The following RBFOX1 variants were observed in gnomAD, a reference collection of about 807,000 sequenced individuals.
The protein encoded by RBFOX1 is RNA binding fox-1 homolog 1.
A neutral mutation model predicts 57.7 loss-of-function variants in RBFOX1; 8 were observed. That is an observed-to-expected ratio of 0.14 (90% CI 0.08 to 0.25). The LOEUF (loss-of-function observed/expected upper bound fraction) is 0.25, where lower values mean the gene tolerates loss of function less well. Ranked by LOEUF, RBFOX1 falls within the 10% of genes least tolerant of loss-of-function variation. The pLI, the probability that RBFOX1 is intolerant of heterozygous loss-of-function variation, is 1.00. For missense variants in RBFOX1, 611 were observed against 548.5 expected (o/e 1.11, Z -1.14); for synonymous variants, 326 against 222.4 (o/e 1.47, Z -4.15).
At chr16:7,694,576 C>T (rs1277833327) in intron 14 of RBFOX1, among the ~76,000 whole-genome samples, 1 of 152,196 alleles carries the variant, frequency 6.6e-6, no homozygotes, top group Non-Finnish European at 1.5e-5. Flanking sequence ...TTCTATAAAA[C>T]CTCTTTGCTG....
At chr16:6,653,448 T>C (rs773069331) in intron 2 of RBFOX1, among the ~76,000 whole-genome samples, 1 of 152,154 alleles carries the variant, frequency 6.6e-6, no homozygotes, top group Non-Finnish European at 1.5e-5. Context: ...TTTGAATAAG[T>C]TAATGCCACT....
intron 4 of RBFOX1, among the ~76,000 whole-genome samples, chr16:7,276,258 G>C (rs1412186704): frequency 6.6e-6 from 1 of 152,096 alleles, no homozygotes; most frequent in Non-Finnish European, 1.5e-5. Context: ...GTCATGAAAT[G>C]GTGATAATTT....
chr16:7,554,544 T>C (rs1033353972), intron 5 of RBFOX1, among the ~76,000 whole-genome samples: 8 of 152,304 alleles, frequency 5.3e-5, no homozygotes, highest in African/African-American at 1.9e-4. Context: ...TAGATCTGCT[T>C]CCTATCAGAA....
In RBFOX1 at chr16:5,969,514, G is replaced by C. The variant is rs570662507; in HGVS notation, c.351+102179G>C. On this transcript the variant is annotated intron_variant, in intron 4 of 19. Coordinates refer to the RBFOX1 transcript ENST00000641259. Reference sequence around the variant, plus strand: ...TTTTTTTGTATTTTTAGTAGAGACGGGGTTTCACTGTGTTGGCCAGGCTGG... The same window carrying C: ...TTTTTTTGTATTTTTAGTAGAGACGCGGTTTCACTGTGTTGGCCAGGCTGG... Among the ~76,000 whole-genome samples, 536 of 147,114 alleles carry C rather than the reference G, an allele frequency of 3.6e-3. 1 individual carries two copies. The highest frequency in any genetic ancestry group is 6.9e-3 in the Admixed American group (99 of 14,410).
At chr16:7,595,152 T>G (rs2094622095) in intron 7 of RBFOX1, among the ~76,000 whole-genome samples, 1 of 152,224 alleles carries the variant, frequency 6.6e-6, no homozygotes, top group Non-Finnish European at 1.5e-5. Context: ...CGTTTTATTT[T>G]ATTTTATTTT....
At chr16:7,299,043 G>C (rs558579498) in intron 4 of RBFOX1, among the ~76,000 whole-genome samples, 181 of 152,282 alleles carry the variant, frequency 1.2e-3, no homozygotes, top group African/African-American at 4.0e-3. Context: ...ATTTCAGCAG[G>C]ACAGATATCT....
rs201479448 is a variant in RBFOX1 at position 6,249,819 on chromosome 16, C to G, written c.-126-67176C>G. On this transcript the variant is annotated intron_variant, in intron 1 of 15. Coordinates refer to ENST00000550418, the MANE Select transcript of RBFOX1 (RefSeq NM_018723.4). ...CTTTAAGTTTTAGGGTACGTGTGCA[C>G]AATGTGCAGGTTAGTTACATATGTA... 9.5e-5 allele frequency among the ~76,000 whole-genome samples: 14 copies of G among 147,498 alleles called. No individual in the cohort carries two copies. The East Asian group carries it at 1.6e-3, about 17-fold the overall frequency.
intron 2 of RBFOX1, among the ~76,000 whole-genome samples, chr16:6,529,603 A>G (rs2096628856): frequency 6.6e-6 from 1 of 151,656 alleles, no homozygotes; most frequent in Non-Finnish European, 1.5e-5. Flanking sequence ...TTTATCCTAA[A>G]TGTAACATTG....
At chr16:5,279,768 C>T (rs748635708) in intron 1 of RBFOX1, among the ~76,000 whole-genome samples, 45 of 152,310 alleles carry the variant, frequency 3.0e-4, no homozygotes, top group Non-Finnish European at 5.1e-4. Flanking sequence ...TCCCAAAGTG[C>T]TGGGATTACA....
chr16:6,522,520 G>A (rs994036562), intron 2 of RBFOX1, among the ~76,000 whole-genome samples: 5 of 152,116 alleles, frequency 3.3e-5, no homozygotes, highest in African/African-American at 1.2e-4. Flanking sequence ...CTTTGGCTTA[G>A]CATAAGGAAA....
At chr16:5,569,104 T>G (rs930194562) in intron 2 of RBFOX1, among the ~76,000 whole-genome samples, 2 of 151,778 alleles carry the variant, frequency 1.3e-5, no homozygotes, top group Non-Finnish European at 2.9e-5. Flanking sequence ...CCCGCCTTGG[T>G]CTCCCAAAGT....
chr16:7,214,088 A>ATT lies in RBFOX1; in HGVS notation c.27+161994_27+161995dup, dbSNP rs376089806. 9.9e-3 allele frequency among the ~76,000 whole-genome samples: 1,484 copies of ATT among 150,314 alleles called. 31 individuals are homozygous for ATT. Among genetic ancestry groups the ATT allele is most frequent in the African/African-American group, 0.033 (1,350 of 40,834 alleles). ...TGAGCTTGCTATGGAAAAAAAAAAA[A>ATT]TTTTTCCACTTCTTTCCCCTGCTAC... On this transcript the variant is annotated intron_variant, in intron 4 of 15. Transcript: ENST00000550418.
intron 3 of RBFOX1, among the ~76,000 whole-genome samples, chr16:6,910,047 G>T (rs779882288): frequency 9.2e-5 from 14 of 151,876 alleles, no homozygotes; most frequent in Middle Eastern, 3.2e-3. Flanking sequence ...TACCTCTACA[G>T]GCTACAAGTC....
At chr16:5,574,278 G>T (rs893143987) in intron 2 of RBFOX1, among the ~76,000 whole-genome samples, 1 of 152,200 alleles carries the variant, frequency 6.6e-6, no homozygotes, top group Non-Finnish European at 1.5e-5. Flanking sequence ...GGCAGCACTT[G>T]CCTGGAAAAT....
chr16:5,709,803 G>A (rs554014321), intron 3 of RBFOX1, among the ~76,000 whole-genome samples: 27 of 40,670 alleles, frequency 6.6e-4, no homozygotes, highest in African/African-American at 2.6e-3. Flanking sequence ...TGTTGTATCA[G>A]TTTCTTTATA....
chr16:5,569,232 C>T (rs910095503), intron 2 of RBFOX1, among the ~76,000 whole-genome samples: 1 of 151,866 alleles, frequency 6.6e-6, no homozygotes, highest in African/African-American at 2.4e-5. Context: ...GGTAAAATGT[C>T]TCCAAGGGAC....
At chr16:6,177,092 A>C (rs1006818072) in intron 1 of RBFOX1, among the ~76,000 whole-genome samples, 4 of 151,930 alleles carry the variant, frequency 2.6e-5, no homozygotes, top group African/African-American at 9.7e-5. Context: ...GAGGAATACC[A>C]TATTTTGGAT....
intron 3 of RBFOX1, among the ~76,000 whole-genome samples, chr16:5,729,026 A>G (rs2052259580): frequency 6.6e-6 from 1 of 152,228 alleles, no homozygotes; most frequent in Non-Finnish European, 1.5e-5. Flanking sequence ...CTCTGAAATC[A>G]TCCCAATACT....
rs1567207953 is a variant in RBFOX1, at chr16:6,779,773, ATT to A, written c.-16+125125_-16+125126del. Among the ~76,000 whole-genome samples the A allele has an allele frequency of 7.0e-3, 44 of 6,306 alleles. 5 individuals are homozygous for A. Among genetic ancestry groups the A allele is most frequent in the Admixed American group, 0.012 (3 of 250 alleles). 4.1% of individuals were successfully genotyped at this position (6,306 alleles called of 152,430 possible). A position where few individuals can be genotyped will look rare whatever the true frequency, so the allele number is the denominator to read the frequency against. On this transcript the variant is annotated intron_variant, in intron 3 of 15. Transcript: ENST00000550418. ...TATACTTTTATATATTTATATATAT[ATT>A]TATATATATTTTTATATATACTTTT...
Sources: allele counts gnomAD v4.1 joint callset (sites outside exome capture counted in the v4.1 genomes callset), GRCh38; gene constraint gnomAD v4.1.1; transcripts MANE v1.5; gene names NCBI Gene and HGNC (gene_info 2026-07-23, HGNC 2026-07-21).